Variants in ANKRD13C observed in about 807,000 individuals in gnomAD.
The protein encoded by ANKRD13C is ankyrin repeat domain 13C, also known as ankyrin repeat domain-containing protein 13C.
Under a neutral mutation model 65.5 loss-of-function variants are expected in ANKRD13C, and 16 were observed. The ratio of observed to expected loss-of-function variants is 0.24; its 90% CI spans 0.17 to 0.37. ANKRD13C has a LOEUF of 0.37. Among genes scored for constraint, ANKRD13C ranks in the 10% least tolerant of loss-of-function variants. The pLI is 1.00. For missense variants in ANKRD13C, 503 were observed against 655.9 expected (o/e 0.77, Z 2.55); for synonymous variants, 235 against 238.7 (o/e 0.98, Z 0.14).
At chr1:70,343,562 G>A (rs1682399764) in intron 1 of ANKRD13C, among the ~76,000 whole-genome samples, 1 of 152,160 alleles carries the variant, frequency 6.6e-6, no homozygotes, top group African/African-American at 2.4e-5. Context: ...AGGTAGGTTT[G>A]TTTGTTTGTG....
intron 5 of ANKRD13C, among the ~76,000 whole-genome samples, chr1:70,311,266 G>A (rs1379525604): frequency 2.6e-5 from 4 of 152,246 alleles, no homozygotes; most frequent in South Asian, 2.1e-4. Flanking sequence ...GCCGAGGCGG[G>A]TGGATCATCA....
intron 12 of ANKRD13C, among the ~76,000 whole-genome samples, chr1:70,266,566 A>C (rs1255351691): frequency 1.3e-5 from 2 of 152,192 alleles, no homozygotes; most frequent in Non-Finnish European, 2.9e-5. Flanking sequence ...TATGTCTATA[A>C]AAATATCTTG....
chr1:70,330,809 C>G (rs1438811242), intron 2 of ANKRD13C, among the ~76,000 whole-genome samples: 1 of 151,870 alleles, frequency 6.6e-6, no homozygotes, highest in East Asian at 1.9e-4. Context: ...TTTGAAAAAC[C>G]TTTCTCTCAT....
At chr1:70,309,376 T>TC (rs1196163531) in intron 5 of ANKRD13C, among the ~76,000 whole-genome samples, 1 of 149,478 alleles carries the variant, frequency 6.7e-6, no homozygotes, top group Non-Finnish European at 1.5e-5. Flanking sequence ...CCCAGCCTAC[T>TC]CCCCAATTTT....
At chr1:70,328,302 G>A (rs1681636623) in intron 2 of ANKRD13C, among the ~76,000 whole-genome samples, 1 of 152,084 alleles carries the variant, frequency 6.6e-6, no homozygotes, top group African/African-American at 2.4e-5. Flanking sequence ...AATGTTCACG[G>A]TGTACTGCTA....
At chr1:70,322,740 C>A (rs1558300213) in intron 3 of ANKRD13C, among the ~76,000 whole-genome samples, 1 of 152,208 alleles carries the variant, frequency 6.6e-6, no homozygotes, top group South Asian at 2.1e-4. Context: ...CACCTGTAAC[C>A]CCAGCATTTT....
chr1:70,344,987 TTA>T (rs1452140786), intron 1 of ANKRD13C, among the ~76,000 whole-genome samples: 2 of 152,124 alleles, frequency 1.3e-5, no homozygotes, highest in East Asian at 1.9e-4. Context: ...TAAAAATAAA[TTA>T]TGTTTCTTTA....
chr1:70,330,121 T>C (rs1572150141), intron 2 of ANKRD13C, among the ~76,000 whole-genome samples: 3 of 148,126 alleles, frequency 2.0e-5, no homozygotes, highest in African/African-American at 7.4e-5. Context: ...ATCAATCGAA[T>C]GTCTTCTCTC....
chr1:70,305,231 T>C (rs909709057), intron 6 of ANKRD13C, among the ~76,000 whole-genome samples: 19 of 152,196 alleles, frequency 1.2e-4, no homozygotes, highest in South Asian at 2.1e-4. Flanking sequence ...TAATTCAAAA[T>C]ACTAAACAAT....
At position 70,268,870 on chromosome 1, in the gene ANKRD13C, TTTTGA is replaced by T. The variant is rs139225607; in HGVS notation, c.1495+1981_1495+1985del. Reference sequence around the variant, plus strand: ...GTTAACAATAATTTCCAAAATTTTTTTTTGATTTTTTAGTTTTTTTTTAAAATTAT... The same window carrying T: ...GTTAACAATAATTTCCAAAATTTTTTTTTTTTAGTTTTTTTTTAAAATTAT... On this transcript the variant is annotated intron_variant, in intron 12 of 12. Transcript: ENST00000370944. Among the ~76,000 whole-genome samples the T allele has an allele frequency of 3.9e-3, 600 of 152,260 alleles. 2 individuals carry two copies. The highest frequency in any genetic ancestry group is 0.014 in the African/African-American group (570 of 41,560).
rs532191711 is a variant in ANKRD13C at position 70,300,248 on chromosome 1, G to A, written c.921+516C>T. On this transcript the variant is annotated intron_variant, in intron 7 of 12. Transcript: ENST00000370944. Reference sequence around the variant, plus strand: ...GAGATAATCAGTTGAATTCTCAGCAGGCTCAATGGACCGGTCAAGATGGAG... The same window carrying A: ...GAGATAATCAGTTGAATTCTCAGCAAGCTCAATGGACCGGTCAAGATGGAG... Among the ~76,000 whole-genome samples, 7 of 152,280 alleles carry A rather than the reference G, an allele frequency of 4.6e-5. No homozygotes were observed. In the South Asian group the frequency reaches 1.5e-3, roughly 32 times the overall value.
At chr1:70,275,961 C>CAAA (rs1209279880) in intron 10 of ANKRD13C, among the ~76,000 whole-genome samples, 880 of 37,160 alleles carry the variant, frequency 0.024, 27 homozygotes, top group African/African-American at 0.07. Flanking sequence ...GACTCCATCT[C>CAAA]AAAAAAAAAA....
intron 12 of ANKRD13C, among the ~76,000 whole-genome samples, chr1:70,267,455 C>T (rs910946383): frequency 6.6e-6 from 1 of 151,936 alleles, no homozygotes; most frequent in Non-Finnish European, 1.5e-5. Flanking sequence ...CTGCAACTTC[C>T]GTCAGCCTCC....
At chr1:70,333,758 T>A (rs1023008561) in intron 2 of ANKRD13C, among the ~76,000 whole-genome samples, 1 of 152,084 alleles carries the variant, frequency 6.6e-6, no homozygotes, top group African/African-American at 2.4e-5. Flanking sequence ...AAAAGGAGAA[T>A]ACCGCAGATA....
At chr1:70,290,690 T>C (rs894914192) in intron 9 of ANKRD13C, among the ~76,000 whole-genome samples, 1 of 152,018 alleles carries the variant, frequency 6.6e-6, no homozygotes, top group African/African-American at 2.4e-5. Context: ...TATAGGCTCA[T>C]GCCACTGCGC....
At chr1:70,277,461 A>G (rs1321995372) in intron 9 of ANKRD13C, among the ~76,000 whole-genome samples, 4 of 152,072 alleles carry the variant, frequency 2.6e-5, no homozygotes, top group African/African-American at 9.7e-5. Context: ...CACCTCAAAA[A>G]AAAAAAAAAC....
chr1:70,348,063 A>T (rs570504727), intron 1 of ANKRD13C, among the ~76,000 whole-genome samples: 5 of 151,850 alleles, frequency 3.3e-5, no homozygotes, highest in East Asian at 3.9e-4. Flanking sequence ...AGTAGCTAAA[A>T]TTTTTTTTTC....
chr1:70,285,151 T>C (rs1248208283), intron 9 of ANKRD13C, among the ~76,000 whole-genome samples: 1 of 151,976 alleles, frequency 6.6e-6, no homozygotes, highest in African/African-American at 2.4e-5. Flanking sequence ...AGCTGTGACC[T>C]TGAAAGCATC....
At chr1:70,341,383 G>C (rs1198089292) in intron 1 of ANKRD13C, among the ~76,000 whole-genome samples, 3 of 41,286 alleles carry the variant, frequency 7.3e-5, no homozygotes, top group African/African-American at 2.9e-4. Context: ...TTTTTTTTTT[G>C]AGAAGTTTCA....
Sources: allele counts gnomAD v4.1 joint callset (sites outside exome capture counted in the v4.1 genomes callset), GRCh38; gene constraint gnomAD v4.1.1; transcripts MANE v1.5; gene names NCBI Gene and HGNC (gene_info 2026-07-23, HGNC 2026-07-21).